Variants in GNG7 observed in about 807,000 individuals in gnomAD.
The protein encoded by GNG7 is guanine nucleotide-binding protein G(I)/G(S)/G(O) subunit gamma-7.
In GNG7, 1 loss-of-function variant was observed where a neutral mutation model predicts 4.0. That is an observed-to-expected ratio of 0.25 (90% CI 0.09 to 1.18). GNG7 has a LOEUF of 1.18. GNG7 is among the 50% of genes most tolerant of loss of function. The probability of loss-of-function intolerance (pLI) is 0.50; values close to 1 mark genes in which losing one functional copy is unlikely to be tolerated. For missense variants in GNG7, 86 were observed against 91.9 expected (o/e 0.94, Z 0.26); for synonymous variants, 34 against 36.9 (o/e 0.92, Z 0.29).
chr19:2,525,807 T>C (rs4807292), intron 3 of GNG7, among the ~76,000 whole-genome samples: 66,419 of 151,574 alleles, frequency 0.44, 15,260 homozygotes, highest in African/African-American at 0.59. Flanking sequence ...TGAAAGCAAG[T>C]GCTCTGCCTC....
intron 4 of GNG7, 150 bp from the exon 5 acceptor site, chr19:2,515,297 A>G (rs1166213520): frequency 1.2e-6 from 1 of 863,328 alleles, no homozygotes. Context: ...GCCCGTCCAC[A>G]CGCTGGAATA....
chr19:2,569,676 G>A lies in GNG7; in HGVS notation c.-77-14488C>T, dbSNP rs190232542. 8.5e-4 allele frequency among the ~76,000 whole-genome samples: 130 copies of A among 152,284 alleles called. 1 individual carries two copies. Among genetic ancestry groups the A allele is most frequent in the African/African-American group, 2.9e-3 (122 of 41,564 alleles). Reference sequence around the variant, plus strand: ...GCACTGTGGACACTGTAGCCAGACCGTTCTCTGGGGTGGAGCCATCCTGGG... The same window carrying A: ...GCACTGTGGACACTGTAGCCAGACCATTCTCTGGGGTGGAGCCATCCTGGG... On this transcript the variant is annotated intron_variant, in intron 2 of 4. Transcript: ENST00000382159.
intron 2 of GNG7, chr19:2,631,881 C>T (rs537299965): frequency 2.6e-5 from 4 of 152,266 alleles, no homozygotes; most frequent in African/African-American, 4.8e-5. Context: ...AAAATGAAGC[C>T]GACTGACCCT....
chr19:2,607,571 A>AG (rs1321175300), intron 2 of GNG7, among the ~76,000 whole-genome samples: 2 of 90,796 alleles, frequency 2.2e-5, no homozygotes, highest in Non-Finnish European at 5.1e-5. Flanking sequence ...GTAAAAAAAA[A>AG]AAAAAAAAGA....
intron 2 of GNG7, among the ~76,000 whole-genome samples, chr19:2,566,415 C>T (rs2144774761): frequency 6.6e-6 from 1 of 152,230 alleles, no homozygotes; most frequent in South Asian, 2.1e-4. Context: ...CTTCCGGTCT[C>T]CAGAGCGGAG....
At chr19:2,528,503 A>C (rs895739482) in intron 3 of GNG7, among the ~76,000 whole-genome samples, 1 of 44,220 alleles carries the variant, frequency 2.3e-5, no homozygotes, top group Non-Finnish European at 5.4e-5. Context: ...GAATGGTCTC[A>C]AAAAAAAAAA....
chr19:2,677,584 G>A (rs574913420), intron 1 of GNG7, among the ~76,000 whole-genome samples: 3 of 152,248 alleles, frequency 2.0e-5, no homozygotes, highest in African/African-American at 4.8e-5. Flanking sequence ...AACCAAGGGG[G>A]GCCCCAGCTC....
chr19:2,535,449 G>A (rs544906108), intron 3 of GNG7, among the ~76,000 whole-genome samples: 8 of 151,200 alleles, frequency 5.3e-5, no homozygotes, highest in South Asian at 2.1e-4. Context: ...GCAGTGAGCC[G>A]AGATCATGCC....
intron 2 of GNG7, among the ~76,000 whole-genome samples, chr19:2,627,442 C>T (rs928325174): frequency 1.3e-5 from 2 of 152,210 alleles, no homozygotes; most frequent in Non-Finnish European, 2.9e-5. Flanking sequence ...TTCCTCCGGG[C>T]GCCTGTCCTC....
intron 3 of GNG7, among the ~76,000 whole-genome samples, chr19:2,537,140 G>A (rs1449099183): frequency 6.6e-6 from 1 of 150,724 alleles, no homozygotes; most frequent in Non-Finnish European, 1.5e-5. Context: ...TAGTAGAGAC[G>A]GGGTTTCACC....
At chr19:2,691,028 G>A (rs1483530043) in intron 1 of GNG7, among the ~76,000 whole-genome samples, 1 of 152,138 alleles carries the variant, frequency 6.6e-6, no homozygotes, top group Non-Finnish European at 1.5e-5. Context: ...ATGTGTCAAC[G>A]TGGGTTCATC....
At chr19:2,622,340 A>G (rs1476942973) in intron 2 of GNG7, among the ~76,000 whole-genome samples, 1 of 152,172 alleles carries the variant, frequency 6.6e-6, no homozygotes, top group Non-Finnish European at 1.5e-5. Flanking sequence ...CGGCCTCCCA[A>G]AGTGCTGGGA....
intron 3 of GNG7, among the ~76,000 whole-genome samples, chr19:2,541,603 A>C (rs1978964425): frequency 6.6e-6 from 1 of 151,844 alleles, no homozygotes; most frequent in South Asian, 2.1e-4. Context: ...TTAGCCTGGC[A>C]TGGTGGTGGG....
chr19:2,635,586 ATT>A lies in GNG7; in HGVS notation c.-78+10636_-78+10637del, dbSNP rs35015157. Among the ~76,000 whole-genome samples, 65 of 145,476 alleles carry A rather than the reference ATT, an allele frequency of 4.5e-4. 1 individual carries two copies. Among genetic ancestry groups the A allele is most frequent in the African/African-American group, 1.6e-3 (62 of 39,420 alleles). On this transcript the variant is annotated intron_variant, in intron 2 of 4. Transcript: ENST00000382159. ...ACCCAGGAGGTCTCAACTTGGGGTG[ATT>A]TTTTTTTTTTTTGAGACGGAGTCTC...
chr19:2,608,052 A>G (rs1381595726), intron 2 of GNG7, among the ~76,000 whole-genome samples: 1 of 71,800 alleles, frequency 1.4e-5, no homozygotes, highest in Admixed American at 1.1e-4. Context: ...GGTATTTGAG[A>G]AAAAAAAAAA....
At chr19:2,605,388 G>C (rs945617973) in intron 2 of GNG7, among the ~76,000 whole-genome samples, 3 of 151,118 alleles carry the variant, frequency 2.0e-5, no homozygotes, top group African/African-American at 7.3e-5. Flanking sequence ...TAGTAGAGAC[G>C]GGGTTTCACC....
In GNG7 at chr19:2,657,359, AAAATATATATATATATATATATATAT is replaced by A. The variant is rs1347638033; in HGVS notation, c.-134-11105_-134-11080del. 4.4e-3 allele frequency among the ~76,000 whole-genome samples: 59 copies of A among 13,492 alleles called. 2 individuals carry two copies. The highest frequency in any genetic ancestry group is 0.011 in the African/African-American group (56 of 4,964). 8.9% of individuals were successfully genotyped at this position (13,492 alleles called of 152,430 possible). A position where few individuals can be genotyped will look rare whatever the true frequency, so the allele number is the denominator to read the frequency against. On this transcript the variant is annotated intron_variant, in intron 1 of 4. Coordinates refer to ENST00000382159, the MANE Select transcript of GNG7 (RefSeq NM_052847.3). ...AATTAAAAAAAAAAAAAAAAAAAAA[AAAATATATATATATATATATATATAT>A]ATATATATATATATACACATAATAA... is the stretch of plus-strand genomic sequence containing the variant.
chr19:2,618,980 C>T lies in GNG7; in HGVS notation c.-78+27244G>A, dbSNP rs1981796019. Among the ~76,000 whole-genome samples the T allele has an allele frequency of 6.6e-6, 1 of 152,138 alleles. No homozygotes were observed. The highest frequency in any genetic ancestry group is 2.4e-5 in the African/African-American group (1 of 41,430). On this transcript the variant is annotated intron_variant, in intron 2 of 4. Coordinates refer to ENST00000382159, the MANE Select transcript of GNG7 (RefSeq NM_052847.3). The surrounding 1 kb of genome is among the most constrained non-coding windows in gnomAD (Gnocchi z 5.1). ...GGTCTTTCTTTGGTATTTCCATGAA[C>T]TTTTTTGTTTGTCTCTTTAAGAAAA...
chr19:2,555,835 C>T (rs1979524701), intron 2 of GNG7, among the ~76,000 whole-genome samples: 1 of 152,156 alleles, frequency 6.6e-6, no homozygotes, highest in Admixed American at 6.5e-5. Flanking sequence ...GGAACGGAAT[C>T]CTCTGTTCCA....
Sources: allele counts gnomAD v4.1 joint callset (sites outside exome capture counted in the v4.1 genomes callset), GRCh38; gene constraint gnomAD v4.1.1; non-coding constraint Gnocchi (gnomAD v3.1); transcripts MANE v1.5; gene names NCBI Gene and HGNC (gene_info 2026-07-23, HGNC 2026-07-21).